SMAGP: variants seen among roughly 807,000 people sequenced by gnomAD.
The protein encoded by SMAGP is small cell transmembrane and glycosylated protein.
A neutral mutation model predicts 10.1 loss-of-function variants in SMAGP; 7 were observed. That is an observed-to-expected ratio of 0.70 (90% CI 0.40 to 1.31). The LOEUF (loss-of-function observed/expected upper bound fraction) is 1.31. Among genes scored for constraint, SMAGP ranks in the 50% most tolerant of loss-of-function variants. The pLI is 0.01. For synonymous variants in SMAGP, 49 were observed against 47.2 expected (o/e 1.04, Z -0.16); for missense variants, 113 against 116.5 (o/e 0.97, Z 0.14).
intron 2 of SMAGP, chr12:51,251,438 A>AG (rs1565657465): frequency 6.6e-6 from 1 of 151,960 alleles, no homozygotes; most frequent in East Asian, 1.9e-4. Flanking sequence ...AAAAAAAAAA[A>AG]AGTTAGCCAG....
intron 2 of SMAGP, among the ~76,000 whole-genome samples, chr12:51,264,649 A>AAAAC (rs1205738638): frequency 6.7e-6 from 1 of 148,302 alleles, no homozygotes; most frequent in African/African-American, 2.5e-5. Flanking sequence ...AAAAAAAAAA[A>AAAAC]GGTCAGGCAC....
intron 2 of SMAGP, among the ~76,000 whole-genome samples, chr12:51,252,996 T>C (rs943972501): frequency 2.0e-5 from 3 of 151,924 alleles, no homozygotes; most frequent in African/African-American, 2.4e-5. Flanking sequence ...GTTGGTGACA[T>C]AGGAGCTTCT....
chr12:51,258,347 T>G (rs1158014071), intron 2 of SMAGP, among the ~76,000 whole-genome samples: 1 of 152,126 alleles, frequency 6.6e-6, no homozygotes, highest in Admixed American at 6.5e-5. Context: ...TTTGGGAGGC[T>G]GAGGGCAGGT....
intron 3 of SMAGP, 162 bp downstream of exon 3, chr12:51,246,588 TC>T (rs1944773194): frequency 1.9e-6 from 1 of 516,678 alleles, no homozygotes; most frequent in Admixed American, 3.9e-5. Flanking sequence ...GACAGAAGCC[TC>T]CGAGTCTTTT....
intron 2 of SMAGP, among the ~76,000 whole-genome samples, chr12:51,265,106 A>C (rs1944963481): frequency 6.6e-6 from 1 of 152,234 alleles, no homozygotes; most frequent in Admixed American, 6.5e-5. Context: ...ATGGTCAATA[A>C]GTACATGAAA....
intron 2 of SMAGP, among the ~76,000 whole-genome samples, chr12:51,252,687 C>CCCCG (rs1400993841): frequency 1.2e-4 from 18 of 151,740 alleles, no homozygotes; most frequent in African/African-American, 4.3e-4. Flanking sequence ...CACATCGCCC[C>CCCCG]CCGAAGGACA....
intron 2 of SMAGP, among the ~76,000 whole-genome samples, chr12:51,248,333 T>C (rs1412016693): frequency 1.3e-5 from 2 of 151,882 alleles, no homozygotes; most frequent in Non-Finnish European, 2.9e-5. Context: ...TCTGGTCCCC[T>C]CTTTGTCTAG....
intron 2 of SMAGP, among the ~76,000 whole-genome samples, chr12:51,260,679 A>ATTT (rs1162152346): frequency 3.3e-4 from 26 of 78,384 alleles, no homozygotes; most frequent in Admixed American, 5.3e-4. Context: ...CGCCCGGCCA[A>ATTT]TTTTTTTTTT....
chr12:51,249,136 C>T (rs1944812541), intron 2 of SMAGP, among the ~76,000 whole-genome samples: 2 of 152,066 alleles, frequency 1.3e-5, no homozygotes, highest in Admixed American at 6.6e-5. Context: ...CAGAAGTTCC[C>T]GGAGGGTGAC....
At chr12:51,256,162 G>A (rs867591606) in intron 2 of SMAGP, among the ~76,000 whole-genome samples, 11 of 152,120 alleles carry the variant, frequency 7.2e-5, no homozygotes, top group Non-Finnish European at 2.9e-5. Context: ...AAGCAAAGAC[G>A]GACAGGATTG....
In SMAGP at chr12:51,245,104, G is replaced by A. The variant is rs1259283701; in HGVS notation, c.*837C>T. On this transcript the variant is annotated 3_prime_UTR_variant, in exon 4 of 4. Coordinates refer to ENST00000603798, the MANE Select transcript of SMAGP (RefSeq NM_001031628.2). ...GGCCTCCCAAAGTGCTGGGATCACAGGCGTGAGCCACCGAACCCGGCCCTC... is the reference window on the plus strand; with the variant it reads ...GGCCTCCCAAAGTGCTGGGATCACAAGCGTGAGCCACCGAACCCGGCCCTC... 1 of 152,164 alleles carries A rather than the reference G, an allele frequency of 6.6e-6. No individual in the cohort carries two copies. Among genetic ancestry groups the A allele is most frequent in the African/African-American group, 2.4e-5 (1 of 41,372 alleles). 9.4% of individuals were successfully genotyped at this position (152,164 alleles called of 1,614,324 possible).
At chr12:51,269,859 G>GC (rs35409123) in intron 1 of SMAGP, 1 of 152,220 alleles carries the variant, frequency 6.6e-6, no homozygotes, top group Non-Finnish European at 1.5e-5. Flanking sequence ...CGGACTGGCC[G>GC]CCCCCTCCGG....
At chr12:51,267,143 A>C (rs1473598772) in intron 2 of SMAGP, among the ~76,000 whole-genome samples, 1 of 152,132 alleles carries the variant, frequency 6.6e-6, no homozygotes, top group African/African-American at 2.4e-5. Context: ...AATTTAAAAA[A>C]TGTAAACAGC....
intron 2 of SMAGP, among the ~76,000 whole-genome samples, chr12:51,247,134 A>G (rs1389814653): frequency 6.6e-6 from 1 of 152,176 alleles, no homozygotes; most frequent in Admixed American, 6.5e-5. Flanking sequence ...TGACCTTGGG[A>G]AAATTACCTA....
At chr12:51,252,125 G>A (rs1017941820) in intron 2 of SMAGP, among the ~76,000 whole-genome samples, 4 of 148,840 alleles carry the variant, frequency 2.7e-5, no homozygotes, top group African/African-American at 7.4e-5. Flanking sequence ...ACAGAGTCTC[G>A]CTCTGTCACC....
chr12:51,266,068 C>T (rs987861148), intron 2 of SMAGP, among the ~76,000 whole-genome samples: 7 of 150,970 alleles, frequency 4.6e-5, no homozygotes, highest in African/African-American at 1.5e-4. Flanking sequence ...GGTGACAGAG[C>T]GAGACTCCGT....
At chr12:51,246,944 C>T in intron 2 of SMAGP, 113 bp from the exon 3 acceptor site, 1 of 646,476 alleles carries the variant, frequency 1.5e-6, no homozygotes, top group South Asian at 2.3e-5. Context: ...AAAAGTTTAT[C>T]ATTTAACTCC....
chr12:51,270,410 G>C lies in SMAGP; in HGVS notation c.-193C>G. 4.0e-6 allele frequency: 1 copy of C among 247,022 alleles called. No homozygotes were observed. Among genetic ancestry groups the C allele is most frequent in the Non-Finnish European group, 7.7e-6 (1 of 129,742 alleles). 15.3% of individuals were successfully genotyped at this position (247,022 alleles called of 1,614,324 possible). A position where few individuals can be genotyped will look rare whatever the true frequency, so the allele number is the denominator to read the frequency against. On this transcript the variant is annotated 5_prime_UTR_variant, in exon 1 of 4. Coordinates refer to ENST00000603798, the MANE Select transcript of SMAGP (RefSeq NM_001031628.2). The stretch of plus-strand genomic sequence containing the variant: ...GCCGCGGGTGGCGCGCGGGGTTGGC[G>C]CAGAGGCCGGAGGGGGTGGGGGGCA...
chr12:51,261,285 C>G (rs920803467), intron 2 of SMAGP, among the ~76,000 whole-genome samples: 1 of 149,926 alleles, frequency 6.7e-6, no homozygotes, highest in African/African-American at 2.5e-5. Flanking sequence ...TTAGTAAACA[C>G]AGGGTTTCAC....
Sources: gnomAD v4.1 joint callset for allele counts (sites outside exome capture counted in the v4.1 genomes callset) on GRCh38, gnomAD v4.1.1 for gene constraint, MANE v1.5 for transcripts, NCBI Gene and HGNC (gene_info 2026-07-23, HGNC 2026-07-21) for gene names.